PAPPA2: variants seen among roughly 807,000 people sequenced by gnomAD.
PAPPA2 encodes the protein pappalysin-2.
A neutral mutation model predicts 176.4 loss-of-function variants in PAPPA2; 86 were observed. The observed-to-expected ratio is 0.49, with a 90% confidence interval of 0.41 to 0.58. PAPPA2 has a LOEUF of 0.58. Ranked by LOEUF, PAPPA2 falls within the 20% of genes least tolerant of loss-of-function variation. The probability of loss-of-function intolerance (pLI) is 0.00; values close to 1 mark genes in which losing one functional copy is unlikely to be tolerated. For synonymous variants in PAPPA2, 809 were observed against 852.2 expected (o/e 0.95, Z 0.88); for missense variants, 2,073 against 2,256.9 (o/e 0.92, Z 1.65).
At chr1:176,507,230 CAAT>C (rs1648325358) in intron 1 of PAPPA2, among the ~76,000 whole-genome samples, 2 of 152,010 alleles carry the variant, frequency 1.3e-5, no homozygotes, top group South Asian at 2.1e-4. Flanking sequence ...ATCAAAACAA[CAAT>C]GAGATACCAT....
At chr1:176,773,317 T>G (rs1232569076) in intron 17 of PAPPA2, among the ~76,000 whole-genome samples, 2 of 152,212 alleles carry the variant, frequency 1.3e-5, no homozygotes, top group Non-Finnish European at 2.9e-5. Context: ...TTGCTGCTCA[T>G]GTTTACTCAG....
chr1:176,619,705 T>A (rs1417966784), intron 3 of PAPPA2, among the ~76,000 whole-genome samples: 2 of 152,212 alleles, frequency 1.3e-5, no homozygotes, highest in Non-Finnish European at 2.9e-5. Flanking sequence ...GGTGACCTTT[T>A]CTATGGGTCT....
chr1:176,775,191 C>G (rs1004654413), intron 17 of PAPPA2, among the ~76,000 whole-genome samples: 1 of 152,076 alleles, frequency 6.6e-6, no homozygotes, highest in Non-Finnish European at 1.5e-5. Flanking sequence ...CACGAATAGA[C>G]CATGAATATT....
intron 12 of PAPPA2, among the ~76,000 whole-genome samples, chr1:176,712,297 G>A (rs372230635): frequency 2.6e-5 from 4 of 152,008 alleles, no homozygotes; most frequent in Non-Finnish European, 2.9e-5. Context: ...CAAGAAATAG[G>A]ACATTCACAT....
chr1:176,616,666 C>G (rs1394316777), intron 3 of PAPPA2: 1 of 1,555,806 alleles, frequency 6.4e-7, no homozygotes, highest in African/African-American at 1.4e-5. Context: ...ATTGTGGTAG[C>G]TCCATACTTC....
Position 176,720,492 on chromosome 1 carries a change from C to A in PAPPA2, c.3798+8511C>A, listed in dbSNP as rs183556947. ...GTTCAGTTTTAAACTTACCAACTTA[C>A]CGTTTCTTATTCATTTGTTCTATAT... is the stretch of plus-strand genomic sequence containing the variant. On this transcript the variant is annotated intron_variant, in intron 12 of 22. Coordinates refer to ENST00000367662, the MANE Select transcript of PAPPA2 (RefSeq NM_020318.3). 4.1e-4 allele frequency among the ~76,000 whole-genome samples: 62 copies of A among 152,018 alleles called. 1 individual carries two copies. Among genetic ancestry groups the A allele is most frequent in the Admixed American group, 1.2e-3 (19 of 15,268 alleles).
chr1:176,473,969 A>C (rs1652002800), intron 1 of PAPPA2, among the ~76,000 whole-genome samples: 1 of 152,208 alleles, frequency 6.6e-6, no homozygotes, highest in South Asian at 2.1e-4. Flanking sequence ...TGTATCAACC[A>C]TAGACTTCTG....
chr1:176,647,904 A>G (rs540584606), intron 3 of PAPPA2, among the ~76,000 whole-genome samples: 21 of 151,796 alleles, frequency 1.4e-4, no homozygotes, highest in African/African-American at 4.8e-4. Context: ...CCTTTTGCTC[A>G]GAATTGCTTT....
chr1:176,715,240 C>A (rs1040741022), intron 12 of PAPPA2, among the ~76,000 whole-genome samples: 2 of 152,222 alleles, frequency 1.3e-5, no homozygotes, highest in Non-Finnish European at 2.9e-5. Flanking sequence ...TAATCTAACT[C>A]TAGTTGCCAA....
chr1:176,623,610 C>CTTACTTTCTTT (rs1558479000), intron 3 of PAPPA2, among the ~76,000 whole-genome samples: 5 of 95,572 alleles, frequency 5.2e-5, no homozygotes, highest in Admixed American at 9.7e-5. Context: ...TTCCTTCCTT[C>CTTACTTTCTTT]CTTCCTTCCT....
In PAPPA2 at chr1:176,684,674, TAG is replaced by T. The variant is rs1025738987; in HGVS notation, c.2138-5458_2138-5457del. Among the ~76,000 whole-genome samples, 223 of 152,222 alleles carry T rather than the reference TAG, an allele frequency of 1.5e-3. 3 individuals are homozygous for T. Among genetic ancestry groups the T allele is most frequent in the Non-Finnish European group, 6.3e-4 (43 of 68,014 alleles). ...AAATGATAATCATATTCCCCATAAC[TAG>T]AGAGTTGGAAGGGAACGATTATTGG... On this transcript the variant is annotated intron_variant, in intron 4 of 22. Coordinates refer to ENST00000367662, the MANE Select transcript of PAPPA2 (RefSeq NM_020318.3).
intron 3 of PAPPA2, among the ~76,000 whole-genome samples, chr1:176,650,343 C>A (rs1199688223): frequency 6.6e-6 from 1 of 150,494 alleles, no homozygotes; most frequent in Non-Finnish European, 1.5e-5. Flanking sequence ...TGTTCAGCCA[C>A]TGTATGTCTT....
At chr1:176,816,024 T>G (rs1158902300) in intron 21 of PAPPA2, among the ~76,000 whole-genome samples, 3 of 151,260 alleles carry the variant, frequency 2.0e-5, no homozygotes. Context: ...GGTATGTGGC[T>G]TCTTATCTTT....
intron 3 of PAPPA2, among the ~76,000 whole-genome samples, chr1:176,605,430 A>G (rs924139363): frequency 7.9e-5 from 12 of 152,220 alleles, no homozygotes; most frequent in African/African-American, 1.9e-4. Context: ...CAGGAACTCC[A>G]TCTCTCTCAA....
chr1:176,746,351 T>A (rs1394218113), intron 14 of PAPPA2, among the ~76,000 whole-genome samples: 1 of 152,226 alleles, frequency 6.6e-6, no homozygotes, highest in East Asian at 1.9e-4. Context: ...GTTCTCTGTG[T>A]CTTTCGTGTT....
At chr1:176,520,656 C>T (rs899966711) in intron 1 of PAPPA2, among the ~76,000 whole-genome samples, 1 of 152,158 alleles carries the variant, frequency 6.6e-6, no homozygotes, top group African/African-American at 2.4e-5. Flanking sequence ...GACATGCAAA[C>T]TTTGTGATAA....
intron 12 of PAPPA2, among the ~76,000 whole-genome samples, chr1:176,735,908 T>C (rs369505999): frequency 4.6e-5 from 7 of 152,264 alleles, no homozygotes; most frequent in African/African-American, 1.7e-4. Flanking sequence ...AGTACTTGTC[T>C]CCTACCTGAT....
chr1:176,504,809 A>G (rs1036346941), intron 1 of PAPPA2, among the ~76,000 whole-genome samples: 2 of 152,160 alleles, frequency 1.3e-5, no homozygotes, highest in Non-Finnish European at 2.9e-5. Flanking sequence ...GGTTTTCCAT[A>G]TCTCTTTTCC....
At chr1:176,635,738 C>T (rs939958780) in intron 3 of PAPPA2, among the ~76,000 whole-genome samples, 1 of 152,078 alleles carries the variant, frequency 6.6e-6, no homozygotes, top group Non-Finnish European at 1.5e-5. Flanking sequence ...AATTTACAAG[C>T]TGACCTTTCC....
Sources: allele counts gnomAD v4.1 joint callset (sites outside exome capture counted in the v4.1 genomes callset), GRCh38; gene constraint gnomAD v4.1.1; transcripts MANE v1.5; gene names NCBI Gene and HGNC (gene_info 2026-07-23, HGNC 2026-07-21).